The following OBP2B variants were observed in gnomAD, a reference collection of about 807,000 sequenced individuals.
OBP2B encodes the protein odorant-binding protein 2b.
Under a neutral mutation model 21.7 loss-of-function variants are expected in OBP2B, and 10 were observed. The ratio of observed to expected loss-of-function variants is 0.46; its 90% CI spans 0.28 to 0.78. The LOEUF is 0.78. Among genes scored for constraint, OBP2B ranks in the 30% least tolerant of loss-of-function variants. The pLI is 0.11. For synonymous variants in OBP2B, 73 were observed against 91.5 expected (o/e 0.80, Z 1.16); for missense variants, 153 against 217.7 (o/e 0.70, Z 1.87).
rs376819822 is a variant in OBP2B at position 133,209,160 on chromosome 9, C to T, written c.40G>A (p.Ala14Thr). Reference protein sequence around the residue: ...LFLGVTLGLAAALSFTLEEED... With the variant: ...LFLGVTLGLATALSFTLEEED... Reference sequence around the variant, plus strand: ...TCCTCCAGGGTGAAGGACAGGGCAGCGGCCAGGCCGAGCGTGACACCCAGG... The same window carrying T: ...TCCTCCAGGGTGAAGGACAGGGCAGTGGCCAGGCCGAGCGTGACACCCAGG... Residue 14 changes from alanine to threonine, a missense_variant, in exon 1 of 7, where the codon GCT becomes ACT. This residue lies in a region of OBP2B where 2 missense variants were observed against 31.3 expected (regional missense o/e 0.06). Coordinates refer to ENST00000372034, the MANE Select transcript of OBP2B (RefSeq NM_014581.4). The surrounding 1 kb of genome is among the most constrained non-coding windows in gnomAD (Gnocchi z 6.0). 9.5e-5 allele frequency: 152 copies of T among 1,604,096 alleles called. No individual in the cohort carries two copies. Among genetic ancestry groups the T allele is most frequent in the Non-Finnish European group, 1.2e-4 (137 of 1,175,802 alleles).
chr9:133,213,644 T>C (rs1198079706), upstream of OBP2B, among the ~76,000 whole-genome samples: 1 of 152,168 alleles, frequency 6.6e-6, no homozygotes, highest in Non-Finnish European at 1.5e-5. Context: ...CATCAAAGGA[T>C]AATAAGGGAA....
intron 4 of OBP2B, among the ~76,000 whole-genome samples, chr9:133,206,701 G>A (rs1278497286): frequency 1.3e-5 from 2 of 150,858 alleles, no homozygotes; most frequent in Non-Finnish European, 2.9e-5. Flanking sequence ...ACTTGAGAAT[G>A]GATGAGAGCT....
rs1416952026 is a variant in OBP2B at position 133,209,021 on chromosome 9, G to A, written c.72+107C>T. Reference sequence around the variant, plus strand: ...CACCACCCCAGGCTGGGAGCACGGGGTCAGAAGCCAGCCTTCAGTGACACC... The same window carrying A: ...CACCACCCCAGGCTGGGAGCACGGGATCAGAAGCCAGCCTTCAGTGACACC... On this transcript the variant is annotated intron_variant, in intron 1 of 6. Coordinates refer to ENST00000372034, the MANE Select transcript of OBP2B (RefSeq NM_014581.4). The surrounding 1 kb of genome is among the most constrained non-coding windows in gnomAD (Gnocchi z 6.0). 4.8e-6 allele frequency: 6 copies of A among 1,261,380 alleles called. No homozygotes were observed. Among genetic ancestry groups the A allele is most frequent in the Non-Finnish European group, 6.6e-6 (6 of 906,166 alleles). 78.1% of individuals were successfully genotyped at this position (1,261,380 alleles called of 1,614,324 possible). A position where few individuals can be genotyped will look rare whatever the true frequency, so the allele number is the denominator to read the frequency against.
At chr9:133,216,988 A>C in the OBP2B span, among the ~76,000 whole-genome samples, 2 of 151,954 alleles carry the variant, frequency 1.3e-5, no homozygotes, top group Non-Finnish European at 2.9e-5. Flanking sequence ...AAAAAAAAAA[A>C]CCTAGAGCCA....
chr9:133,208,053 G>A, intron 3 of OBP2B, 80 bp downstream of exon 3: 1 of 1,504,360 alleles, frequency 6.6e-7, no homozygotes, highest in Non-Finnish European at 9.0e-7. Flanking sequence ...GGGCAGCCTG[G>A]GCACTCTCTA....
chr9:133,212,620 G>C (rs1360919169), upstream of OBP2B, among the ~76,000 whole-genome samples: 1 of 152,156 alleles, frequency 6.6e-6, no homozygotes, highest in Non-Finnish European at 1.5e-5. Flanking sequence ...AATATACTAG[G>C]CTGGATGAAA....
chr9:133,208,216 A>G lies in OBP2B; in HGVS notation c.207-13T>C. The G allele has an allele frequency of 6.2e-7, 1 of 1,611,896 alleles. No homozygotes were observed. Among genetic ancestry groups the G allele is most frequent in the South Asian group, 1.1e-5 (1 of 90,984 alleles). On this transcript the variant is annotated splice_polypyrimidine_tract_variant and intron_variant, in intron 2 of 6. Transcript: ENST00000372034. ...CCTATCCTCCCTCCTGGAAAACAGG[A>G]GACACGCGGGCAGCGGCTCCCAGGA...
At chr9:133,210,646 G>A (rs1833898336), upstream of OBP2B, among the ~76,000 whole-genome samples, 1 of 152,232 alleles carries the variant, frequency 6.6e-6, no homozygotes, top group Admixed American at 6.5e-5. Context: ...TGGTGCTGCT[G>A]GCTCAATCCT....
the OBP2B span, among the ~76,000 whole-genome samples, chr9:133,221,272 T>C: frequency 0.058 from 8,766 of 152,158 alleles, 365 homozygotes; most frequent in African/African-American, 0.11. Context: ...GGGAAAGCAT[T>C]TGGAATTATT....
In OBP2B at chr9:133,207,231, A is replaced by G. The variant is rs201048639; in HGVS notation, c.383T>C (p.Leu128Pro). The change falls in exon 4 of 7, where the codon CTT (leucine) becomes CCT (proline). Residue 128 changes from leucine to proline, a missense_variant. This residue lies in a region of OBP2B where 151 missense variants were observed against 186.3 expected (regional missense o/e 0.81). Transcript: ENST00000372034. ...GACCCCAGCAAGCCCCTCACCCACA[A>G]GCTTTCCCATGTGGAGCAGGCCCCC... ...HHGGLLHMGK[L>P]VGRNSDTNRE... The G allele has an allele frequency of 3.1e-6, 5 of 1,611,304 alleles. No homozygotes were observed. The highest frequency in any genetic ancestry group is 8.5e-7 in the Non-Finnish European group (1 of 1,177,494).
At chr9:133,217,974 T>A in the OBP2B span, among the ~76,000 whole-genome samples, 1 of 152,234 alleles carries the variant, frequency 6.6e-6, no homozygotes, top group Non-Finnish European at 1.5e-5. Context: ...TGTCTCTGGA[T>A]CCTGATGGGT....
the OBP2B span, among the ~76,000 whole-genome samples, chr9:133,222,003 A>G: frequency 6.6e-6 from 1 of 152,218 alleles, no homozygotes; most frequent in African/African-American, 2.4e-5. Context: ...TGAGGAGATG[A>G]GACTTCCCTT....
At chr9:133,207,194 G>A (rs1396675813) in intron 4 of OBP2B, 32 bp downstream of exon 4, 3 of 1,433,870 alleles carry the variant, frequency 2.1e-6, no homozygotes, top group South Asian at 2.3e-5. Context: ...AGACCGTGGG[G>A]CAGGACACGC....
intron 3 of OBP2B, chr9:133,207,881 T>C (rs1444129251): frequency 1.3e-6 from 2 of 1,525,352 alleles, no homozygotes; most frequent in African/African-American, 1.4e-5. Flanking sequence ...GCTTCCTCAA[T>C]GTGTCAATGG....
the OBP2B span, among the ~76,000 whole-genome samples, chr9:133,220,016 T>G: frequency 6.6e-6 from 1 of 152,166 alleles, no homozygotes; most frequent in South Asian, 2.1e-4. Context: ...AAACCAGGCA[T>G]AAGAAACACA....
At chr9:133,221,474 G>A in the OBP2B span, among the ~76,000 whole-genome samples, 3,093 of 152,268 alleles carry the variant, frequency 0.02, 99 homozygotes, top group African/African-American at 0.071. Flanking sequence ...TCCCTAAATT[G>A]TTTGCTGTGG....
rs1265365254 is a variant in OBP2B, at chr9:133,208,351, C to T, written c.206+118G>A. ...TTCAGGATGCCCAGGCTGTTTCCCTCCAAGGCAGGGGGTGACTCTTCCCAA... is the reference window on the plus strand; with the variant it reads ...TTCAGGATGCCCAGGCTGTTTCCCTTCAAGGCAGGGGGTGACTCTTCCCAA... On this transcript the variant is annotated intron_variant, in intron 2 of 6. Coordinates refer to ENST00000372034, the MANE Select transcript of OBP2B (RefSeq NM_014581.4). The T allele has an allele frequency of 8.8e-6, 14 of 1,599,442 alleles. No individual in the cohort carries two copies. The Admixed American group carries it at 2.4e-4, about 28-fold the overall frequency.
the OBP2B span, among the ~76,000 whole-genome samples, chr9:133,217,739 C>A: frequency 6.6e-6 from 1 of 152,252 alleles, no homozygotes; most frequent in Admixed American, 6.5e-5. Flanking sequence ...TCTGCCCTGA[C>A]CGTGGGCCAG....
chr9:133,208,762 G>A (rs1482602321), intron 1 of OBP2B, among the ~76,000 whole-genome samples, 160 bp from the exon 2 acceptor site: 3 of 152,128 alleles, frequency 2.0e-5, no homozygotes, highest in Non-Finnish European at 4.4e-5. Flanking sequence ...CAGCTGGAGT[G>A]AGTTAGAGCC....
Sources: allele counts gnomAD v4.1 joint callset (sites outside exome capture counted in the v4.1 genomes callset), GRCh38; gene constraint gnomAD v4.1.1; regional missense constraint gnomAD v4.1.1; non-coding constraint Gnocchi (gnomAD v3.1); transcripts MANE v1.5; gene names NCBI Gene and HGNC (gene_info 2026-07-23, HGNC 2026-07-21).